RUBCNL: variants seen among roughly 807,000 people sequenced by gnomAD.
RUBCNL encodes the protein rubicon like autophagy enhancer, also known as protein associated with UVRAG as autophagy enhancer.
A neutral mutation model predicts 69.5 loss-of-function variants in RUBCNL; 62 were observed. That is an observed-to-expected ratio of 0.89 (90% CI 0.73 to 1.10). RUBCNL has a LOEUF of 1.10. Among genes scored for constraint, RUBCNL ranks in the 50% least tolerant of loss-of-function variants. RUBCNL has a pLI of 0.00. For missense variants in RUBCNL, 768 were observed against 798.1 expected (o/e 0.96, Z 0.45); for synonymous variants, 291 against 303.6 (o/e 0.96, Z 0.43).
intron 1 of RUBCNL, among the ~76,000 whole-genome samples, chr13:46,382,554 CAA>C (rs2049140888): frequency 6.6e-6 from 1 of 152,046 alleles, no homozygotes; most frequent in Non-Finnish European, 1.5e-5. Flanking sequence ...TTTTTTGAGA[CAA>C]AGTTTCGCTC....
intron 1 of RUBCNL, chr13:46,385,348 A>T: frequency 1.4e-6 from 1 of 701,558 alleles, no homozygotes; most frequent in Non-Finnish European, 1.8e-6. Flanking sequence ...GGTATCAGGA[A>T]GATACACAAT....
At chr13:46,359,312 G>GA (rs74263242) in intron 9 of RUBCNL, among the ~76,000 whole-genome samples, 174 bp downstream of exon 9, 393 of 129,598 alleles carry the variant, frequency 3.0e-3, no homozygotes, top group Middle Eastern at 7.8e-3. Flanking sequence ...TAAACAAGAG[G>GA]AAAAAAAAAA....
chr13:46,387,010 G>T, intron 1 of RUBCNL, 124 bp downstream of exon 1: 1 of 849,700 alleles, frequency 1.2e-6, no homozygotes, highest in African/African-American at 1.8e-5. Context: ...GTCTCTGCTG[G>T]GCACAAACCT....
At position 46,335,254 on chromosome 13, in the gene RUBCNL, GTTGTTGT is replaced by G. The variant is rs1388695451; in HGVS notation, c.*8124_*8130del. Among the ~76,000 whole-genome samples, 236 of 107,250 alleles carry G rather than the reference GTTGTTGT, an allele frequency of 2.2e-3. No homozygotes were observed. Among genetic ancestry groups the G allele is most frequent in the East Asian group, 9.2e-3 (36 of 3,924 alleles). 70.4% of individuals were successfully genotyped at this position (107,250 alleles called of 152,430 possible). A position where few individuals can be genotyped will look rare whatever the true frequency, so the allele number is the denominator to read the frequency against. Reference sequence around the variant, plus strand: ...TAATTTGTGTCTTTTTGTTGTTGTTGTTGTTGTTTTTTTTTTTTTTTTTTTTTTTTTA... The same window carrying G: ...TAATTTGTGTCTTTTTGTTGTTGTTGTTTTTTTTTTTTTTTTTTTTTTTTA... On this transcript the variant is annotated 3_prime_UTR_variant, in exon 15 of 15. Coordinates refer to ENST00000429979, the MANE Select transcript of RUBCNL (RefSeq NM_025113.5).
chr13:46,350,152 T>G lies in RUBCNL; in HGVS notation c.1530A>C (p.Gln510His). 1.3e-6 allele frequency: 2 copies of G among 1,581,018 alleles called. No individual in the cohort carries two copies. Among genetic ancestry groups the G allele is most frequent in the Non-Finnish European group, 1.7e-6 (2 of 1,162,830 alleles). Reference protein sequence around the residue: ...QPIFNLLSIGQSLYAKAKELD... With the variant: ...QPIFNLLSIGHSLYAKAKELD... ...GCTCCTTGGCTTTCGCATACAGGCT[T>G]TGGCCGATGCTCAGCAAATTGAAAA... The change falls in exon 11 of 15, where the codon CAA becomes CAC. Residue 510 changes from glutamine (Q) to histidine (H), a missense_variant. Physicochemically the swap from Gln to His is conservative, Grantham distance 24. Transcript: ENST00000429979.
At chr13:46,343,830 T>C (rs2048186178) in intron 14 of RUBCNL, among the ~76,000 whole-genome samples, 1 of 152,126 alleles carries the variant, frequency 6.6e-6, no homozygotes, top group Non-Finnish European at 1.5e-5. Context: ...CCACATTGTT[T>C]CTCTAGATAT....
At chr13:46,349,263 C>A (rs112166114) in intron 12 of RUBCNL, 23 bp downstream of exon 12, 7 of 1,609,102 alleles carry the variant, frequency 4.4e-6, no homozygotes, top group Non-Finnish European at 6.0e-6. Context: ...GGGAAGGCAG[C>A]CTGTCCCAGC....
At position 46,384,672 on chromosome 13, in the gene RUBCNL, T is replaced by C. The variant is rs1306326637; in HGVS notation, c.-239+2462A>G. On this transcript the variant is annotated intron_variant, in intron 1 of 14. Transcript: ENST00000429979. ...TTTGAACAATTTTTCAACATAATTG[T>C]TGGAAAAATCACATTAAGTGTATAG... 2.0e-5 allele frequency among the ~76,000 whole-genome samples: 3 copies of C among 152,240 alleles called. No homozygotes were observed. The East Asian group carries it at 5.8e-4, about 29-fold the overall frequency.
At chr13:46,362,826 C>A (rs1039041041) in intron 6 of RUBCNL, among the ~76,000 whole-genome samples, 6 of 149,786 alleles carry the variant, frequency 4.0e-5, no homozygotes, top group South Asian at 4.2e-4. Flanking sequence ...AACTGAGAGG[C>A]CAAAGAGATA....
chr13:46,380,545 A>G (rs905571642), intron 1 of RUBCNL, among the ~76,000 whole-genome samples: 4 of 152,230 alleles, frequency 2.6e-5, no homozygotes, highest in African/African-American at 9.7e-5. Context: ...TTCATTAGCA[A>G]AGTAATTTTA....
chr13:46,370,120 G>C lies in RUBCNL; in HGVS notation c.536-1305C>G, dbSNP rs2761949. Among the ~76,000 whole-genome samples, 1,318 of 152,330 alleles carry C rather than the reference G, an allele frequency of 8.7e-3. 16 individuals are homozygous for C. The highest frequency in any genetic ancestry group is 0.028 in the African/African-American group (1,156 of 41,566). On this transcript the variant is annotated intron_variant, in intron 3 of 14. Coordinates refer to ENST00000429979, the MANE Select transcript of RUBCNL (RefSeq NM_025113.5). ...TTGCAGACTCTGAGTATAGAGGAAAGAGCACAGAGAAGAATCGGAACAGAG... is the reference window on the plus strand; with the variant it reads ...TTGCAGACTCTGAGTATAGAGGAAACAGCACAGAGAAGAATCGGAACAGAG...
At position 46,370,492 on chromosome 13, in the gene RUBCNL, T is replaced by C. The variant is rs1342171041; in HGVS notation, c.535+1449A>G. Among the ~76,000 whole-genome samples, 4 of 152,330 alleles carry C rather than the reference T, an allele frequency of 2.6e-5. No homozygotes were observed. The East Asian group carries it at 7.7e-4, about 29-fold the overall frequency. On this transcript the variant is annotated intron_variant, in intron 3 of 14. Transcript: ENST00000429979. ...CCAGAGAAAGAAAGAACCAGATCAC[T>C]CAAGGCTTCTTTTTCTTAATCTTAA...
At chr13:46,372,817 T>C (rs2048908096) in intron 2 of RUBCNL, among the ~76,000 whole-genome samples, 1 of 152,086 alleles carries the variant, frequency 6.6e-6, no homozygotes, top group African/African-American at 2.4e-5. Context: ...GGAAACATTC[T>C]TCAAAGCATA....
intron 3 of RUBCNL, among the ~76,000 whole-genome samples, chr13:46,370,664 G>A (rs559115819): frequency 7.2e-5 from 11 of 152,238 alleles, no homozygotes; most frequent in African/African-American, 2.6e-4. Context: ...AAAAGAAAAA[G>A]CTAAAGGATA....
In RUBCNL at chr13:46,343,553, C is replaced by A. The variant is rs558963914; in HGVS notation, c.1877-56G>T. ...CGGTCTATCTTGTTTTCTCACATTT[C>A]TGCAGACATTCGTCTCCATCCTAGG... On this transcript the variant is annotated intron_variant, in intron 14 of 14. Transcript: ENST00000429979. 13 of 1,561,714 alleles carry A rather than the reference C, an allele frequency of 8.3e-6. No individual in the cohort carries two copies. The East Asian group carries it at 2.0e-4, about 24-fold the overall frequency.
At position 46,344,651 on chromosome 13, in the gene RUBCNL, T is replaced by A. The variant is rs564668376; in HGVS notation, c.1876+90A>T. On this transcript the variant is annotated intron_variant, in intron 14 of 14. Coordinates refer to ENST00000429979, the MANE Select transcript of RUBCNL (RefSeq NM_025113.5). ...TGTGCTTAAATTATTAAGCTATTAT[T>A]CAGCTTAAGTTAATTTTGTGCTTAA... is the stretch of plus-strand genomic sequence containing the variant. 3.4e-5 allele frequency: 28 copies of A among 819,150 alleles called. No individual in the cohort carries two copies. The African/African-American group carries it at 4.8e-4, about 14-fold the overall frequency. The allele number at this position is 819,150 out of a possible 1,614,324, so 50.7% of individuals were successfully genotyped here. A position where few individuals can be genotyped will look rare whatever the true frequency, so the allele number is the denominator to read the frequency against.
intron 3 of RUBCNL, 61 bp from the exon 4 acceptor site, chr13:46,368,876 A>G: frequency 8.3e-7 from 1 of 1,207,118 alleles, no homozygotes; most frequent in Non-Finnish European, 1.2e-6. Context: ...ACCTAATAAA[A>G]TAAAACAATT....
intron 3 of RUBCNL, among the ~76,000 whole-genome samples, chr13:46,370,037 A>T (rs1268712616): frequency 6.6e-6 from 1 of 152,180 alleles, no homozygotes; most frequent in Non-Finnish European, 1.5e-5. Context: ...CTATAGACAC[A>T]AGAGAAATTC....
intron 2 of RUBCNL, among the ~76,000 whole-genome samples, chr13:46,375,012 C>T (rs868091402): frequency 6.6e-6 from 1 of 152,196 alleles, no homozygotes; most frequent in African/African-American, 2.4e-5. Flanking sequence ...CCTCTCACAT[C>T]ACCATAAACA....
Sources: allele counts gnomAD v4.1 joint callset (sites outside exome capture counted in the v4.1 genomes callset), GRCh38; gene constraint gnomAD v4.1.1; transcripts MANE v1.5; gene names NCBI Gene and HGNC (gene_info 2026-07-23, HGNC 2026-07-21).